TUSC3: variants seen among roughly 807,000 people sequenced by gnomAD.
TUSC3 encodes tumor suppressor candidate 3, also known as dolichyl-diphosphooligosaccharide--protein glycosyltransferase subunit TUSC3.
In TUSC3, 45 loss-of-function variants were observed where a neutral mutation model predicts 44.8. The observed-to-expected ratio is 1.00, with a 90% CI of 0.79 to 1.29. The LOEUF is 1.29. TUSC3 is among the 50% of genes most tolerant of loss of function. The probability of loss-of-function intolerance (pLI) is 0.00; values close to 1 mark genes in which losing one functional copy is unlikely to be tolerated. For synonymous variants in TUSC3, 212 were observed against 152.9 expected, an observed-to-expected ratio of 1.39 and a Z score of -2.85; for missense variants, 519 against 437.9, an observed-to-expected ratio of 1.19 and a Z score of -1.65.
intron 2 of TUSC3, among the ~76,000 whole-genome samples, chr8:15,629,533 C>T (rs1221564052): frequency 6.7e-6 from 1 of 148,790 alleles, no homozygotes; most frequent in Non-Finnish European, 1.5e-5. Flanking sequence ...GAAAGGGACC[C>T]TGTCATTTGC....
At chr8:15,429,845 A>G (rs1333946257) in intron 1 of TUSC3, among the ~76,000 whole-genome samples, 2 of 151,934 alleles carry the variant, frequency 1.3e-5, no homozygotes, top group East Asian at 3.9e-4. Context: ...AGAGAATACT[A>G]TAAACACCTC....
chr8:15,834,322 C>CGAAA, the TUSC3 span, among the ~76,000 whole-genome samples: 1 of 152,030 alleles, frequency 6.6e-6, no homozygotes, highest in Admixed American at 6.6e-5. Flanking sequence ...TACACTCTTT[C>CGAAA]TTTTTAGTTA....
the TUSC3 span, among the ~76,000 whole-genome samples, chr8:15,797,355 C>CT: frequency 2.7e-3 from 417 of 151,776 alleles, no homozygotes; most frequent in African/African-American, 9.5e-3. Flanking sequence ...TTCTTTTTTT[C>CT]TTTTTTTTGG....
At chr8:15,555,642 C>G (rs1009755538) in intron 1 of TUSC3, among the ~76,000 whole-genome samples, 1 of 151,490 alleles carries the variant, frequency 6.6e-6, no homozygotes, top group Non-Finnish European at 1.5e-5. Flanking sequence ...TATTTTACTT[C>G]GAAGGTCTCA....
At chr8:15,624,286 T>C (rs1272416408) in intron 2 of TUSC3, among the ~76,000 whole-genome samples, 1 of 152,210 alleles carries the variant, frequency 6.6e-6, no homozygotes, top group Non-Finnish European at 1.5e-5. Flanking sequence ...ATGAGCATTT[T>C]TCTGCAGGTT....
chr8:15,484,065 G>T (rs913255082), intron 2 of TUSC3, among the ~76,000 whole-genome samples: 5 of 152,022 alleles, frequency 3.3e-5, no homozygotes, highest in Non-Finnish European at 5.9e-5. Context: ...TGTTATATTA[G>T]GTCTATTTGT....
At chr8:15,565,685 T>G (rs901586579) in intron 1 of TUSC3, among the ~76,000 whole-genome samples, 2 of 152,162 alleles carry the variant, frequency 1.3e-5, no homozygotes, top group Non-Finnish European at 2.9e-5. Flanking sequence ...TATTAAATAC[T>G]TTCATGCTTG....
intron 2 of TUSC3, among the ~76,000 whole-genome samples, chr8:15,641,290 G>A (rs980412961): frequency 2.0e-5 from 3 of 151,694 alleles, no homozygotes; most frequent in Non-Finnish European, 2.9e-5. Flanking sequence ...GAACCAGGGA[G>A]GTGGAGGTTG....
intron 9 of TUSC3, among the ~76,000 whole-genome samples, chr8:15,754,117 G>A (rs532211490): frequency 6.6e-6 from 1 of 151,928 alleles, no homozygotes; most frequent in Non-Finnish European, 1.5e-5. Context: ...ATCAGATAAA[G>A]GCAGTCTGTA....
intron 1 of TUSC3, among the ~76,000 whole-genome samples, chr8:15,577,229 T>A (rs1238353642): frequency 6.6e-6 from 1 of 151,308 alleles, no homozygotes; most frequent in Non-Finnish European, 1.5e-5. Flanking sequence ...GTCAGATGAG[T>A]AGCTTGCGAA....
the TUSC3 span, among the ~76,000 whole-genome samples, chr8:15,845,282 C>T: frequency 1.3e-5 from 2 of 152,076 alleles, no homozygotes; most frequent in African/African-American, 2.4e-5. Flanking sequence ...GCGCAAGGCA[C>T]GTGAATTCTG....
chr8:15,609,674 A>C (rs1189869897), intron 1 of TUSC3, among the ~76,000 whole-genome samples: 1 of 152,120 alleles, frequency 6.6e-6, no homozygotes, highest in African/African-American at 2.4e-5. Context: ...TCCCATTATA[A>C]TGATACTGTC....
chr8:15,719,265 T>G (rs1416078586), intron 6 of TUSC3, among the ~76,000 whole-genome samples: 1 of 152,066 alleles, frequency 6.6e-6, no homozygotes, highest in Non-Finnish European at 1.5e-5. Context: ...GCCTTCATGC[T>G]GGCCATTATT....
chr8:15,851,031 T>C, the TUSC3 span, among the ~76,000 whole-genome samples: 1 of 152,198 alleles, frequency 6.6e-6, no homozygotes, highest in South Asian at 2.1e-4. Flanking sequence ...GGTTTGCTGA[T>C]TGGTTCTAGT....
intron 9 of TUSC3, among the ~76,000 whole-genome samples, chr8:15,757,557 C>G (rs376995489): frequency 1.5e-4 from 23 of 152,246 alleles, no homozygotes; most frequent in African/African-American, 5.3e-4. Context: ...TTTCACTGGT[C>G]TCAACCTTTC....
At chr8:15,529,469 A>G (rs1371174760) in intron 2 of TUSC3, among the ~76,000 whole-genome samples, 1 of 152,214 alleles carries the variant, frequency 6.6e-6, no homozygotes, top group Non-Finnish European at 1.5e-5. Flanking sequence ...TTGAAATTTC[A>G]CTGAAGATAC....
At chr8:15,567,956 T>A (rs1389633812) in intron 1 of TUSC3, among the ~76,000 whole-genome samples, 1 of 152,168 alleles carries the variant, frequency 6.6e-6, no homozygotes, top group East Asian at 1.9e-4. Flanking sequence ...TCTGTAGGCC[T>A]CCACTCCTTT....
intron 1 of TUSC3, among the ~76,000 whole-genome samples, chr8:15,597,675 G>A (rs1228838926): frequency 6.6e-6 from 1 of 152,096 alleles, no homozygotes; most frequent in East Asian, 1.9e-4. Flanking sequence ...ATTGACAGTA[G>A]TTAGGAAAAC....
the TUSC3 span, among the ~76,000 whole-genome samples, chr8:15,846,084 C>T: frequency 1.3e-5 from 2 of 152,156 alleles, no homozygotes; most frequent in African/African-American, 4.8e-5. Flanking sequence ...ACAGGAAAGA[C>T]TGGCTTCCAT....
Sources: gnomAD v4.1 joint callset for allele counts (sites outside exome capture counted in the v4.1 genomes callset) on GRCh38, gnomAD v4.1.1 for gene constraint, MANE v1.5 for transcripts, NCBI Gene and HGNC (gene_info 2026-07-23, HGNC 2026-07-21) for gene names.